The following CTDSPL variants were observed in gnomAD, a reference collection of about 807,000 sequenced individuals.
CTDSPL encodes the protein CTD small phosphatase like.
A neutral mutation model predicts 30.5 loss-of-function variants in CTDSPL; 8 were observed. That is an observed-to-expected ratio of 0.26 (90% CI 0.15 to 0.47). CTDSPL has a LOEUF of 0.47. Ranked by LOEUF, CTDSPL falls within the 20% of genes least tolerant of loss-of-function variation. The probability of loss-of-function intolerance (pLI) is 0.99; values close to 1 mark genes in which losing one functional copy is unlikely to be tolerated. For synonymous variants in CTDSPL, 110 were observed against 137.9 expected, an observed-to-expected ratio of 0.80 and a Z score of 1.42; for missense variants, 248 against 366.1, an observed-to-expected ratio of 0.68 and a Z score of 2.63.
intron 1 of CTDSPL, among the ~76,000 whole-genome samples, chr3:37,894,360 G>A (rs2125598091): frequency 6.6e-6 from 1 of 151,152 alleles, no homozygotes; most frequent in Non-Finnish European, 1.5e-5. Context: ...TCCCACCTCC[G>A]CCTCCCAAAG....
At chr3:37,953,692 C>G (rs1373958734) in intron 2 of CTDSPL, among the ~76,000 whole-genome samples, 1 of 152,122 alleles carries the variant, frequency 6.6e-6, no homozygotes, top group African/African-American at 2.4e-5. Context: ...CACTTTATGA[C>G]AAATGGTCTA....
Position 37,909,025 on chromosome 3 carries a change from G to A in CTDSPL, c.80-38032G>A, listed in dbSNP as rs560243314. Among the ~76,000 whole-genome samples the A allele has an allele frequency of 2.6e-4, 40 of 152,192 alleles. No individual in the cohort carries two copies. In the East Asian group the frequency reaches 3.9e-3, roughly 15 times the overall value. On this transcript the variant is annotated intron_variant, in intron 1 of 7. Transcript: ENST00000273179. The stretch of plus-strand genomic sequence containing the variant: ...TATTTTGTTTTCCCTTTTAGAATTC[G>A]AAATTTTACATAAAGTGTTTTTCTT...
At chr3:37,881,032 A>G (rs1401118887) in intron 1 of CTDSPL, among the ~76,000 whole-genome samples, 2 of 152,008 alleles carry the variant, frequency 1.3e-5, no homozygotes, top group Non-Finnish European at 2.9e-5. Context: ...AAAAAAAAAA[A>G]AAAAAGAAAG....
chr3:37,880,586 A>C (rs940036050), intron 1 of CTDSPL, among the ~76,000 whole-genome samples: 1 of 152,236 alleles, frequency 6.6e-6, no homozygotes, highest in African/African-American at 2.4e-5. Flanking sequence ...GACTGTCTTC[A>C]TAATCACTTG....
intron 1 of CTDSPL, among the ~76,000 whole-genome samples, chr3:37,896,378 C>T (rs1383741030): frequency 6.6e-6 from 1 of 152,048 alleles, no homozygotes; most frequent in African/African-American, 2.4e-5. Context: ...ATCCAAGGTG[C>T]AGGAGTCTGT....
chr3:37,890,746 T>C (rs1045991084), intron 1 of CTDSPL, among the ~76,000 whole-genome samples: 1 of 152,144 alleles, frequency 6.6e-6, no homozygotes, highest in Non-Finnish European at 1.5e-5. Flanking sequence ...GTCCTCCCTG[T>C]CTGTTGGCAG....
At position 37,905,166 on chromosome 3, in the gene CTDSPL, G is replaced by T. The variant is rs1698499460; in HGVS notation, c.80-41891G>T. 4.6e-5 allele frequency among the ~76,000 whole-genome samples: 7 copies of T among 152,334 alleles called. No individual in the cohort carries two copies. The South Asian group carries it at 1.4e-3, about 32-fold the overall frequency. Reference sequence around the variant, plus strand: ...TAGTGTTTTTAATTTTGTAGTTACAGAGCTATCATGCTAATATCTACATAA... The same window carrying T: ...TAGTGTTTTTAATTTTGTAGTTACATAGCTATCATGCTAATATCTACATAA... On this transcript the variant is annotated intron_variant, in intron 1 of 7. Transcript: ENST00000273179.
intron 2 of CTDSPL, among the ~76,000 whole-genome samples, chr3:37,948,651 A>T (rs1226931748): frequency 6.6e-6 from 1 of 152,168 alleles, no homozygotes; most frequent in South Asian, 2.1e-4. Flanking sequence ...ACAGGCTTGG[A>T]GTGTAGAAGC....
At chr3:37,938,715 C>G (rs1451685473) in intron 1 of CTDSPL, among the ~76,000 whole-genome samples, 2 of 147,470 alleles carry the variant, frequency 1.4e-5, no homozygotes, top group Non-Finnish European at 3.0e-5. Context: ...GAGTCTTGCT[C>G]TGTTGCCCAG....
intron 1 of CTDSPL, among the ~76,000 whole-genome samples, chr3:37,905,489 C>T (rs374487659): frequency 6.6e-6 from 1 of 152,138 alleles, no homozygotes; most frequent in Non-Finnish European, 1.5e-5. Flanking sequence ...CTGGGCAACT[C>T]GTGGGTCAAT....
chr3:37,882,441 C>CAAAAAA (rs35235848), intron 1 of CTDSPL, among the ~76,000 whole-genome samples: 22 of 120,898 alleles, frequency 1.8e-4, no homozygotes, highest in Non-Finnish European at 2.3e-4. Context: ...GACTCTAACT[C>CAAAAAA]AAAAAAAAAA....
intron 1 of CTDSPL, among the ~76,000 whole-genome samples, chr3:37,937,817 CAAGG>C (rs1698933083): frequency 6.7e-6 from 1 of 150,236 alleles, no homozygotes; most frequent in Non-Finnish European, 1.5e-5. Flanking sequence ...TTGGATTTTA[CAAGG>C]AAGTATGCAG....
chr3:37,957,088 AT>A lies in CTDSPL; in HGVS notation c.235-13del, dbSNP rs199901935. The A allele has an allele frequency of 8.3e-4, 1,252 of 1,506,682 alleles. 3 individuals are homozygous for A. Among genetic ancestry groups the A allele is most frequent in the African/African-American group, 6.2e-3 (444 of 71,400 alleles). 93.3% of individuals were successfully genotyped at this position (1,506,682 alleles called of 1,614,324 possible). ...GATCTTCTCTTCGAACCTGACAATGATTTTTTTTTTCTTTTTCCTCAGGGTG... is the reference window on the plus strand; with the variant it reads ...GATCTTCTCTTCGAACCTGACAATGATTTTTTTTTCTTTTTCCTCAGGGTG... On this transcript the variant is annotated intron_variant, in intron 2 of 7. Coordinates refer to ENST00000273179, the MANE Select transcript of CTDSPL (RefSeq NM_001008392.2).
intron 1 of CTDSPL, among the ~76,000 whole-genome samples, chr3:37,919,729 C>T (rs1306772431): frequency 2.0e-5 from 3 of 152,136 alleles, no homozygotes; most frequent in African/African-American, 7.2e-5. Context: ...GGTTTCCCTT[C>T]CTCAGGATAG....
intron 1 of CTDSPL, among the ~76,000 whole-genome samples, chr3:37,897,772 G>A (rs906538013): frequency 6.6e-6 from 1 of 152,134 alleles, no homozygotes; most frequent in Admixed American, 6.5e-5. Flanking sequence ...CTGATAAGCT[G>A]AAAAAGTTGT....
intron 1 of CTDSPL, among the ~76,000 whole-genome samples, chr3:37,864,170 T>A (rs1697979632): frequency 6.6e-6 from 1 of 152,190 alleles, no homozygotes; most frequent in African/African-American, 2.4e-5. Flanking sequence ...AATCCACAGC[T>A]CTTTGAGGAG....
intron 1 of CTDSPL, among the ~76,000 whole-genome samples, chr3:37,914,974 T>TCCTGC (rs1192696271): frequency 7.0e-6 from 1 of 142,218 alleles, no homozygotes; most frequent in African/African-American, 2.6e-5. Flanking sequence ...CTCAACCTCC[T>TCCTGC]CCTGCCCTCC....
At chr3:37,893,773 A>G (rs1300833279) in intron 1 of CTDSPL, among the ~76,000 whole-genome samples, 1 of 152,198 alleles carries the variant, frequency 6.6e-6, no homozygotes, top group Non-Finnish European at 1.5e-5. Context: ...AGTATAAATG[A>G]TTCTCAGTCT....
At chr3:37,928,278 A>C (rs1698808410) in intron 1 of CTDSPL, among the ~76,000 whole-genome samples, 1 of 152,212 alleles carries the variant, frequency 6.6e-6, no homozygotes, top group African/African-American at 2.4e-5. Context: ...TGGTAGTTCT[A>C]CTTTTAACTT....
Sources: gnomAD v4.1 joint callset for allele counts (sites outside exome capture counted in the v4.1 genomes callset) on GRCh38, gnomAD v4.1.1 for gene constraint, MANE v1.5 for transcripts, NCBI Gene and HGNC (gene_info 2026-07-23, HGNC 2026-07-21) for gene names.